The following TNIP3 variants were observed in gnomAD, a reference collection of about 807,000 sequenced individuals.
TNIP3 encodes TNFAIP3 interacting protein 3.
In TNIP3, 34 loss-of-function variants were observed where a neutral mutation model predicts 54.1. The observed-to-expected ratio is 0.63, with a 90% CI of 0.48 to 0.84. The LOEUF is 0.84. Ranked by LOEUF, TNIP3 falls within the 40% of genes least tolerant of loss-of-function variation. The probability of loss-of-function intolerance (pLI) is 0.00; values close to 1 mark genes in which losing one functional copy is unlikely to be tolerated. For synonymous variants in TNIP3, 134 were observed against 136.8 expected, an observed-to-expected ratio of 0.98 and a Z score of 0.14; for missense variants, 366 against 387.6, an observed-to-expected ratio of 0.94 and a Z score of 0.47.
At position 121,196,069 on chromosome 4, in the gene TNIP3, C is replaced by T. The variant is rs561294752; in HGVS notation, c.69-13273G>A. Among the ~76,000 whole-genome samples the T allele has an allele frequency of 3.6e-4, 55 of 152,286 alleles. No homozygotes were observed. In the South Asian group the frequency reaches 9.8e-3, roughly 27 times the overall value. On this transcript the variant is annotated intron_variant, in intron 2 of 12. Coordinates refer to the TNIP3 transcript ENST00000507879. The stretch of plus-strand genomic sequence containing the variant: ...TTGATTTTATTAAGTCTTCAGAAGG[C>T]CTTTTTAAGGTGGAAACTGTCTCCC...
chr4:121,226,752 G>A (rs1727274653), intron 1 of TNIP3, among the ~76,000 whole-genome samples: 1 of 152,144 alleles, frequency 6.6e-6, no homozygotes, highest in South Asian at 2.1e-4. Flanking sequence ...TTATTCCTAG[G>A]GAAGTTTATT....
At chr4:121,161,041 T>C (rs1231041960) in intron 2 of TNIP3, 95 bp downstream of exon 2, 2 of 994,798 alleles carry the variant, frequency 2.0e-6, no homozygotes, top group Non-Finnish European at 1.5e-6. Context: ...TACTGTGACC[T>C]GATAACAAAA....
intron 2 of TNIP3, among the ~76,000 whole-genome samples, chr4:121,200,536 G>A (rs1375044238): frequency 6.6e-6 from 1 of 152,100 alleles, no homozygotes; most frequent in African/African-American, 2.4e-5. Context: ...AGACCCCCGA[G>A]CACACATACC....
intron 10 of TNIP3, chr4:121,137,977 C>A (rs1273902929): frequency 4.4e-6 from 2 of 455,846 alleles, no homozygotes; most frequent in East Asian, 1.4e-4. Context: ...GGTGGCCTCA[C>A]AAGACCATAG....
intron 2 of TNIP3, among the ~76,000 whole-genome samples, chr4:121,214,416 T>C (rs535247321): frequency 6.6e-6 from 1 of 152,328 alleles, no homozygotes; most frequent in South Asian, 2.1e-4. Flanking sequence ...CATTGTTAAA[T>C]AGAACTAAAC....
chr4:121,169,214 C>T (rs1364784173), upstream of TNIP3, among the ~76,000 whole-genome samples: 2 of 152,160 alleles, frequency 1.3e-5, no homozygotes, highest in Admixed American at 1.3e-4. Context: ...TGACCTCATT[C>T]TTGGTATCCT....
chr4:121,225,377 T>C (rs1727212954), intron 1 of TNIP3, among the ~76,000 whole-genome samples: 1 of 152,232 alleles, frequency 6.6e-6, no homozygotes, highest in South Asian at 2.1e-4. Context: ...TCAAATATAA[T>C]TGATTTTTTA....
chr4:121,223,669 G>C (rs1727137512), intron 1 of TNIP3, among the ~76,000 whole-genome samples: 1 of 152,180 alleles, frequency 6.6e-6, no homozygotes, highest in South Asian at 2.1e-4. Flanking sequence ...ATGAGATTCA[G>C]AGCATGAAGA....
At chr4:121,186,076 G>A (rs773950679) in intron 2 of TNIP3, among the ~76,000 whole-genome samples, 1 of 152,224 alleles carries the variant, frequency 6.6e-6, no homozygotes, top group Non-Finnish European at 1.5e-5. Context: ...CACAACCAAA[G>A]AGGGACGGGC....
At chr4:121,208,821 C>T (rs1726322388) in intron 2 of TNIP3, among the ~76,000 whole-genome samples, 1 of 152,150 alleles carries the variant, frequency 6.6e-6, no homozygotes, top group Non-Finnish European at 1.5e-5. Flanking sequence ...ACTATACAGT[C>T]CTCTGGACTA....
intron 2 of TNIP3, among the ~76,000 whole-genome samples, chr4:121,190,973 A>C (rs1231343709): frequency 1.3e-5 from 2 of 152,206 alleles, no homozygotes; most frequent in East Asian, 3.9e-4. Flanking sequence ...ACTACCATTT[A>C]TTCCAAAGTT....
At chr4:121,139,735 T>C (rs2148795759) in intron 9 of TNIP3, among the ~76,000 whole-genome samples, 1 of 152,288 alleles carries the variant, frequency 6.6e-6, no homozygotes, top group African/African-American at 2.4e-5. Context: ...GGCCCTTGGC[T>C]CCTCTGGCTT....
At chr4:121,170,324 A>G (rs1730996370) in intron 3 of TNIP3, among the ~76,000 whole-genome samples, 1 of 152,228 alleles carries the variant, frequency 6.6e-6, no homozygotes, top group South Asian at 2.1e-4. Flanking sequence ...CCGTTTATGT[A>G]TGAATCTATA....
rs1002963559 is a variant in TNIP3 at position 121,207,619 on chromosome 4, G to C, written c.68+8796C>G. Among the ~76,000 whole-genome samples, 20 of 152,230 alleles carry C rather than the reference G, an allele frequency of 1.3e-4. 1 individual carries two copies. Among genetic ancestry groups the C allele is most frequent in the African/African-American group, 3.4e-4 (14 of 41,534 alleles). On this transcript the variant is annotated intron_variant, in intron 2 of 12. Coordinates refer to the TNIP3 transcript ENST00000507879. Reference sequence around the variant, plus strand: ...ATTTGGGGCATGGCAGCCACACAGAGGAGAGCAATGTAGACAAGGAGACCA... The same window carrying C: ...ATTTGGGGCATGGCAGCCACACAGACGAGAGCAATGTAGACAAGGAGACCA...
At chr4:121,222,339 A>G (rs1489624326) in intron 1 of TNIP3, among the ~76,000 whole-genome samples, 4 of 152,152 alleles carry the variant, frequency 2.6e-5, no homozygotes, top group African/African-American at 9.7e-5. Context: ...TCATCAAAGC[A>G]CCCCAAATTA....
chr4:121,193,320 C>A (rs1273949733), intron 2 of TNIP3, among the ~76,000 whole-genome samples: 1 of 151,910 alleles, frequency 6.6e-6, no homozygotes, highest in Non-Finnish European at 1.5e-5. Context: ...TCTTTTCGTG[C>A]CAGAAATTAG....
At chr4:121,182,607 C>G (rs1373507889) in intron 3 of TNIP3, 15 of 1,510,052 alleles carry the variant, frequency 9.9e-6, no homozygotes, top group Non-Finnish European at 1.2e-5. Flanking sequence ...ACTGTCTCCA[C>G]AAATTCTTCT....
chr4:121,215,566 A>G (rs1726741172), intron 2 of TNIP3, among the ~76,000 whole-genome samples: 1 of 152,074 alleles, frequency 6.6e-6, no homozygotes. Context: ...CTTTGTACAC[A>G]TTCTGCCTTC....
intron 2 of TNIP3, among the ~76,000 whole-genome samples, chr4:121,209,839 G>A (rs555916420): frequency 1.3e-5 from 2 of 152,162 alleles, no homozygotes; most frequent in South Asian, 2.1e-4. Context: ...TTTGCTGCAG[G>A]CCAAGAACTA....
Sources: gnomAD v4.1 joint callset for allele counts (sites outside exome capture counted in the v4.1 genomes callset) on GRCh38, gnomAD v4.1.1 for gene constraint, MANE v1.5 for transcripts, NCBI Gene and HGNC (gene_info 2026-07-23, HGNC 2026-07-21) for gene names.